The following MTCL1 variants were observed in gnomAD, a reference collection of about 807,000 sequenced individuals.
MTCL1 encodes the protein microtubule crosslinking factor 1, also known as microtubule cross-linking factor 1.
In MTCL1, 79 loss-of-function variants were observed where a neutral mutation model predicts 141.4. That is an observed-to-expected ratio of 0.56 (90% CI 0.47 to 0.67). MTCL1 has a LOEUF of 0.67. MTCL1 is among the 30% of genes least tolerant of loss of function. The probability of loss-of-function intolerance (pLI) is 0.00; values close to 1 mark genes in which losing one functional copy is unlikely to be tolerated. For synonymous variants in MTCL1, 914 were observed against 875.8 expected, an observed-to-expected ratio of 1.04 and a Z score of -0.77; for missense variants, 2,177 against 2,113.9, an observed-to-expected ratio of 1.03 and a Z score of -0.59.
At chr18:8,791,941 T>C (rs1040838077) in intron 7 of MTCL1, among the ~76,000 whole-genome samples, 1 of 152,204 alleles carries the variant, frequency 6.6e-6, no homozygotes, top group African/African-American at 2.4e-5. Flanking sequence ...TAATACCCCT[T>C]TCTCATATCC....
rs574324713 is a variant in MTCL1, at chr18:8,804,756, C to T, written c.2437-2137C>T. The stretch of plus-strand genomic sequence containing the variant: ...ATGCCTACAATCCCATTTTCTGAGG[C>T]TGAGGCAGGTGGATCAGTTGAGGCC... On this transcript the variant is annotated intron_variant, in intron 10 of 16. Transcript: ENST00000359865. Among the ~76,000 whole-genome samples the T allele has an allele frequency of 1.8e-4, 28 of 152,298 alleles. No individual in the cohort carries two copies. In the South Asian group the frequency reaches 5.6e-3, roughly 31 times the overall value.
intron 14 of MTCL1, 148 bp from the exon 14 acceptor site, chr18:8,824,550 GC>G (rs1385838490): frequency 1.5e-6 from 1 of 653,910 alleles, no homozygotes; most frequent in Non-Finnish European, 2.6e-6. Context: ...GTCTGTGAGT[GC>G]AGCACATGAG....
chr18:8,818,336 G>A (rs1598795684), intron 12 of MTCL1, among the ~76,000 whole-genome samples: 1 of 151,128 alleles, frequency 6.6e-6, no homozygotes, highest in Admixed American at 6.6e-5. Flanking sequence ...TGACTCTAAC[G>A]TAATGTGGCT....
intron 4 of MTCL1, among the ~76,000 whole-genome samples, chr18:8,752,773 T>G (rs35414671): frequency 6.6e-6 from 1 of 152,226 alleles, no homozygotes; most frequent in Admixed American, 6.5e-5. Flanking sequence ...AGGCACCCTA[T>G]TGCTGGGTGC....
At position 8,732,407 on chromosome 18, in the gene MTCL1, T is replaced by C. The variant is rs576902369; in HGVS notation, c.357+11911T>C. On this transcript the variant is annotated intron_variant, in intron 4 of 16. Transcript: ENST00000359865. Reference sequence around the variant, plus strand: ...GATTACAGGGGTGAGCTGCCGTGTTTGGCTAATTTAGGTAACTTTTATCTT... The same window carrying C: ...GATTACAGGGGTGAGCTGCCGTGTTCGGCTAATTTAGGTAACTTTTATCTT... 1.3e-3 allele frequency among the ~76,000 whole-genome samples: 199 copies of C among 152,216 alleles called. 2 individuals are homozygous for C. The highest frequency in any genetic ancestry group is 9.7e-4 in the East Asian group (5 of 5,178).
At chr18:8,766,077 A>G (rs927339075) in intron 4 of MTCL1, among the ~76,000 whole-genome samples, 9 of 151,882 alleles carry the variant, frequency 5.9e-5, no homozygotes, top group African/African-American at 1.9e-4. Context: ...TAAAGATCCA[A>G]CAACATCTGG....
chr18:8,807,527 G>A (rs1488360484), intron 11 of MTCL1, among the ~76,000 whole-genome samples: 2 of 152,200 alleles, frequency 1.3e-5, no homozygotes, highest in African/African-American at 4.8e-5. Context: ...ATACATTTCA[G>A]TCTCCTTATT....
chr18:8,784,947 G>T, intron 6 of MTCL1, 104 bp downstream of exon 5: 1 of 1,083,584 alleles, frequency 9.2e-7, no homozygotes. Context: ...GCTTGGTTAT[G>T]ATTTCAAACC....
chr18:8,706,504 G>C (rs2148732393), exon 1 of MTCL1: 1 of 1,315,216 alleles, frequency 7.6e-7, no homozygotes, highest in Admixed American at 4.1e-5. Context: ...CTGTCCCGGG[G>C]GCCGGAGCAT....
At chr18:8,756,871 T>G (rs2096404597) in intron 4 of MTCL1, among the ~76,000 whole-genome samples, 1 of 152,144 alleles carries the variant, frequency 6.6e-6, no homozygotes, top group South Asian at 2.1e-4. Flanking sequence ...CCCTGTGAAG[T>G]TAGCTGGATT....
chr18:8,706,733 C>T lies in MTCL1; in HGVS notation c.1053+20C>T. 26 of 1,543,778 alleles carry T rather than the reference C, an allele frequency of 1.7e-5. No homozygotes were observed. The highest frequency in any genetic ancestry group is 2.5e-5 in the East Asian group (1 of 40,760). On this transcript the variant is annotated intron_variant, in intron 1 of 13. Transcript: ENST00000306329. ...CTCAAGGTGAGCCGCGCCTCGGCCG[C>T]AGGTGTCCCGGGGCGCCCCCGGAGG...
intron 4 of MTCL1, among the ~76,000 whole-genome samples, chr18:8,733,828 G>A (rs1000861839): frequency 4.6e-5 from 7 of 152,128 alleles, no homozygotes; most frequent in African/African-American, 9.7e-5. Context: ...TGGCCAGGCC[G>A]TTTTTACTTT....
intron 4 of MTCL1, among the ~76,000 whole-genome samples, chr18:8,755,493 C>A (rs575589103): frequency 2.0e-5 from 3 of 152,214 alleles, no homozygotes; most frequent in South Asian, 4.1e-4. Context: ...GTCATTTCTC[C>A]CAGGAGCACT....
At chr18:8,739,655 G>A (rs1489518492) in intron 4 of MTCL1, among the ~76,000 whole-genome samples, 2 of 152,224 alleles carry the variant, frequency 1.3e-5, no homozygotes, top group African/African-American at 4.8e-5. Context: ...GGGGAGGTCT[G>A]TGTGTGGGTT....
At chr18:8,783,841 G>A (rs1300230098) in exon 6 of MTCL1, 1 of 1,613,094 alleles carries the variant, frequency 6.2e-7, no homozygotes, top group East Asian at 2.2e-5. Context: ...AGGACATGCG[G>A]GGCCAGCAGG....
chr18:8,771,185 C>T (rs2096483890), intron 4 of MTCL1, among the ~76,000 whole-genome samples: 1 of 151,976 alleles, frequency 6.6e-6, no homozygotes, highest in Non-Finnish European at 1.5e-5. Flanking sequence ...GATGGGGTCT[C>T]GCAATGTTGC....
At chr18:8,707,696 A>T (rs2096065631) in intron 1 of MTCL1, 1 of 152,208 alleles carries the variant, frequency 6.6e-6, no homozygotes. Flanking sequence ...AGCCAACCAA[A>T]CCCAGGGGTG....
chr18:8,725,918 C>A (rs928206127), intron 4 of MTCL1, among the ~76,000 whole-genome samples: 3 of 151,208 alleles, frequency 2.0e-5, no homozygotes, highest in Admixed American at 1.3e-4. Flanking sequence ...GCCTCCGGAG[C>A]AGCTGGGACT....
intron 8 of MTCL1, among the ~76,000 whole-genome samples, chr18:8,794,883 G>T (rs1017437724): frequency 2.0e-5 from 3 of 152,196 alleles, no homozygotes; most frequent in Non-Finnish European, 4.4e-5. Context: ...ACTCAGACCA[G>T]ATGGTGCAAA....
Sources: gnomAD v4.1 joint callset for allele counts (sites outside exome capture counted in the v4.1 genomes callset) on GRCh38, gnomAD v4.1.1 for gene constraint, MANE v1.5 for transcripts, NCBI Gene and HGNC (gene_info 2026-07-23, HGNC 2026-07-21) for gene names.